MALRD1: variants seen among roughly 807,000 people sequenced by gnomAD.
MALRD1 encodes MAM and LDL-receptor class A domain-containing protein 1.
A neutral mutation model predicts 242.1 loss-of-function variants in MALRD1; 247 were observed. That is an observed-to-expected ratio of 1.02 (90% CI 0.92 to 1.13). The LOEUF is 1.13. Ranked by LOEUF, MALRD1 falls within the 50% of genes most tolerant of loss-of-function variation. The pLI is 0.00. For synonymous variants in MALRD1, 995 were observed against 866.6 expected (o/e 1.15, Z -2.60); for missense variants, 2,989 against 2,533.1 (o/e 1.18, Z -3.86).
intron 38 of MALRD1, chr10:19,710,882 A>G (rs1834079584): frequency 6.6e-6 from 1 of 152,230 alleles, no homozygotes; most frequent in African/African-American, 2.4e-5. Context: ...TGTACAAGCA[A>G]TCAGTGTAGA....
At chr10:19,370,760 A>G (rs1048313232) in intron 26 of MALRD1, among the ~76,000 whole-genome samples, 1 of 151,932 alleles carries the variant, frequency 6.6e-6, no homozygotes, top group African/African-American at 2.4e-5. Flanking sequence ...TTTATTTTGT[A>G]GAGACTCGAT....
At chr10:19,545,815 C>G (rs60803206) in intron 32 of MALRD1, among the ~76,000 whole-genome samples, 2,830 of 152,266 alleles carry the variant, frequency 0.019, 70 homozygotes, top group East Asian at 0.058. Flanking sequence ...AGCTTTTAGT[C>G]CTCTGGCACT....
chr10:19,497,903 A>G (rs1194299034), intron 30 of MALRD1, among the ~76,000 whole-genome samples: 1 of 152,192 alleles, frequency 6.6e-6, no homozygotes, highest in African/African-American at 2.4e-5. Context: ...AATTTTTCTC[A>G]CTGTGAATAA....
intron 19 of MALRD1, among the ~76,000 whole-genome samples, chr10:19,271,889 T>C (rs144743032): frequency 1.3e-5 from 2 of 152,274 alleles, no homozygotes; most frequent in African/African-American, 4.8e-5. Context: ...AATAATTCAG[T>C]ATACTACTCA....
chr10:19,373,567 G>A (rs754636194), intron 26 of MALRD1, among the ~76,000 whole-genome samples: 50 of 151,832 alleles, frequency 3.3e-4, no homozygotes, highest in Non-Finnish European at 6.2e-4. Context: ...AGGGAAGAAG[G>A]GAGAGAGGGA....
At chr10:19,290,633 A>G (rs1841372034) in intron 21 of MALRD1, among the ~76,000 whole-genome samples, 1 of 152,162 alleles carries the variant, frequency 6.6e-6, no homozygotes, top group Non-Finnish European at 1.5e-5. Flanking sequence ...TATTTTGAGA[A>G]AAGAATCATA....
chr10:19,694,870 C>T (rs1238656532), intron 38 of MALRD1, among the ~76,000 whole-genome samples: 3 of 152,178 alleles, frequency 2.0e-5, no homozygotes, highest in Non-Finnish European at 1.5e-5. Context: ...GGCACACATA[C>T]ACCATGGAAT....
intron 26 of MALRD1, among the ~76,000 whole-genome samples, chr10:19,365,295 A>G (rs969183842): frequency 6.6e-6 from 1 of 152,012 alleles, no homozygotes; most frequent in African/African-American, 2.4e-5. Flanking sequence ...GCTTTTAGTG[A>G]TGATTTTTTT....
At chr10:19,384,433 T>C (rs1212632850) in intron 26 of MALRD1, among the ~76,000 whole-genome samples, 2 of 117,658 alleles carry the variant, frequency 1.7e-5, no homozygotes, top group South Asian at 4.5e-4. Context: ...TTACCATATA[T>C]TATATATTAT....
chr10:19,380,519 T>C (rs1845792452), intron 26 of MALRD1, among the ~76,000 whole-genome samples: 1 of 152,072 alleles, frequency 6.6e-6, no homozygotes, highest in Non-Finnish European at 1.5e-5. Context: ...TTACACACTT[T>C]TTCTCTCTTA....
intron 34 of MALRD1, among the ~76,000 whole-genome samples, chr10:19,599,104 A>T (rs969006191): frequency 1.3e-5 from 2 of 152,160 alleles, no homozygotes; most frequent in African/African-American, 4.8e-5. Flanking sequence ...AGGGAAATCA[A>T]TTGTAGATAA....
At chr10:19,248,679 C>T (rs1019081638) in intron 18 of MALRD1, among the ~76,000 whole-genome samples, 1 of 151,620 alleles carries the variant, frequency 6.6e-6, no homozygotes, top group African/African-American at 2.4e-5. Context: ...GACTCTTTGA[C>T]TGTTTGGACA....
At chr10:19,298,802 C>T (rs1841822397) in intron 21 of MALRD1, among the ~76,000 whole-genome samples, 2 of 152,058 alleles carry the variant, frequency 1.3e-5, no homozygotes, top group South Asian at 4.1e-4. Context: ...AATCAGTTCA[C>T]TCCATATTTA....
intron 1 of MALRD1, among the ~76,000 whole-genome samples, chr10:19,053,921 G>C (rs578254734): frequency 5.3e-5 from 8 of 151,976 alleles, no homozygotes; most frequent in African/African-American, 1.9e-4. Flanking sequence ...AAAAAAAACT[G>C]AGTCCTCAAG....
At chr10:19,573,390 G>A (rs1481252174) in intron 33 of MALRD1, among the ~76,000 whole-genome samples, 2 of 152,180 alleles carry the variant, frequency 1.3e-5, no homozygotes, top group African/African-American at 4.8e-5. Flanking sequence ...TCTGAGCCAG[G>A]TGGTGGCAGC....
rs116916047 is a variant in MALRD1 at position 19,164,352 on chromosome 10, G to A, written c.1657-1285G>A. Among the ~76,000 whole-genome samples, 933 of 152,122 alleles carry A rather than the reference G, an allele frequency of 6.1e-3. 4 individuals are homozygous for A. The highest frequency in any genetic ancestry group is 0.016 in the Admixed American group (246 of 15,282). ...TTGGGTCCCAACAGTGAAATACATG[G>A]CTTGCCTATATATACACTAGAATCT... On this transcript the variant is annotated intron_variant, in intron 12 of 39. Coordinates refer to ENST00000454679, the MANE Select transcript of MALRD1 (RefSeq NM_001142308.3).
chr10:19,568,671 G>T (rs933351675), intron 33 of MALRD1, among the ~76,000 whole-genome samples: 7 of 146,814 alleles, frequency 4.8e-5, no homozygotes, highest in Non-Finnish European at 1.1e-4. Context: ...CCATTTTCTA[G>T]TAACATTAAT....
At chr10:19,726,295 T>C (rs1330311264) in intron 38 of MALRD1, among the ~76,000 whole-genome samples, 2 of 152,094 alleles carry the variant, frequency 1.3e-5, no homozygotes, top group Non-Finnish European at 2.9e-5. Context: ...AGGACTAGAA[T>C]AGTCATTTCT....
chr10:19,727,019 G>A (rs1267766325), intron 38 of MALRD1, among the ~76,000 whole-genome samples: 1 of 152,098 alleles, frequency 6.6e-6, no homozygotes, highest in African/African-American at 2.4e-5. Context: ...TAGTGGTAAT[G>A]GTAGCACAAC....
Sources: allele counts gnomAD v4.1 joint callset (sites outside exome capture counted in the v4.1 genomes callset), GRCh38; gene constraint gnomAD v4.1.1; transcripts MANE v1.5; gene names NCBI Gene and HGNC (gene_info 2026-07-23, HGNC 2026-07-21).